SNRPA1: variants seen among roughly 807,000 people sequenced by gnomAD.
SNRPA1 encodes small nuclear ribonucleoprotein polypeptide A', also known as U2 small nuclear ribonucleoprotein A'.
A neutral mutation model predicts 32.3 loss-of-function variants in SNRPA1; 5 were observed. That is an observed-to-expected ratio of 0.15 (90% CI 0.08 to 0.33). The LOEUF (loss-of-function observed/expected upper bound fraction) is 0.33, where lower values mean the gene tolerates loss of function less well. Ranked by LOEUF, SNRPA1 falls within the 10% of genes least tolerant of loss-of-function variation. The pLI, the probability that SNRPA1 is intolerant of heterozygous loss-of-function variation, is 1.00. For synonymous variants in SNRPA1, 111 were observed against 120.1 expected, an observed-to-expected ratio of 0.92 and a Z score of 0.50; for missense variants, 198 against 311.1, an observed-to-expected ratio of 0.64 and a Z score of 2.74.
Position 101,287,684 on chromosome 15 carries a change from C to T in SNRPA1, c.328G>A (p.Ala110Thr). 1 of 1,613,816 alleles carries T rather than the reference C, an allele frequency of 6.2e-7. No homozygotes were observed. The highest frequency in any genetic ancestry group is 1.1e-5 in the South Asian group (1 of 91,072). The change falls in exon 4 of 9, where the codon GCA becomes ACA. Residue 110 changes from alanine to threonine, a missense_variant. Ala to Thr is a moderately conservative substitution (Grantham distance 58). Coordinates refer to ENST00000254193, the MANE Select transcript of SNRPA1 (RefSeq NM_003090.4). The part of the protein sequence containing the change: ...LVELGDLDPL[A>T]SLKSLTYLSI... Reference sequence around the variant, plus strand: ...AGGTAAGTCAGCGATTTGAGAGATGCCAGAGGGTCCAGATCACCCTGTCAA... The same window carrying T: ...AGGTAAGTCAGCGATTTGAGAGATGTCAGAGGGTCCAGATCACCCTGTCAA...
At chr15:101,291,226 T>C (rs1353458255) in intron 3 of SNRPA1, among the ~76,000 whole-genome samples, 1 of 152,176 alleles carries the variant, frequency 6.6e-6, no homozygotes, top group Non-Finnish European at 1.5e-5. Flanking sequence ...AGAATTTAGG[T>C]TACAAAACAA....
intron 7 of SNRPA1, 190 bp from the exon 8 acceptor site, chr15:101,285,250 T>A: frequency 1.8e-6 from 1 of 544,420 alleles, no homozygotes; most frequent in Non-Finnish European, 3.3e-6. Flanking sequence ...CACAAATTTC[T>A]AAAATTGGTG....
In SNRPA1 at chr15:101,281,693, A is replaced by T. The variant is rs778848347; in HGVS notation, c.*31T>A. On this transcript the variant is annotated 3_prime_UTR_variant, in exon 9 of 9. Transcript: ENST00000254193. ...TTCGAAAAGCAAGACTTGTTCCAAGAGGGCCTATTATTATACATCTGCCTC... is the reference window on the plus strand; with the variant it reads ...TTCGAAAAGCAAGACTTGTTCCAAGTGGGCCTATTATTATACATCTGCCTC... 8 of 1,522,032 alleles carry T rather than the reference A, an allele frequency of 5.3e-6. No individual in the cohort carries two copies. Among genetic ancestry groups the T allele is most frequent in the Non-Finnish European group, 7.3e-6 (8 of 1,095,936 alleles). 94.3% of individuals were successfully genotyped at this position (1,522,032 alleles called of 1,614,324 possible).
At chr15:101,289,471 G>A (rs1205788225) in intron 3 of SNRPA1, among the ~76,000 whole-genome samples, 1 of 152,142 alleles carries the variant, frequency 6.6e-6, no homozygotes. Context: ...GACAGAAGGA[G>A]AGCATCTACA....
At chr15:101,284,385 T>C (rs1234055949) in intron 8 of SNRPA1, among the ~76,000 whole-genome samples, 3 of 152,152 alleles carry the variant, frequency 2.0e-5, no homozygotes, top group African/African-American at 7.2e-5. Context: ...CAAATATATA[T>C]AGGTAAAAGT....
At chr15:101,286,802 T>C in intron 5 of SNRPA1, 106 bp downstream of exon 5, 1 of 631,466 alleles carries the variant, frequency 1.6e-6, no homozygotes, top group Non-Finnish European at 2.8e-6. Flanking sequence ...TATTACAAAC[T>C]AATGGTAAAA....
chr15:101,294,676 A>C (rs2039566937), intron 1 of SNRPA1, among the ~76,000 whole-genome samples: 1 of 152,232 alleles, frequency 6.6e-6, no homozygotes, highest in Non-Finnish European at 1.5e-5. Flanking sequence ...CATTAGGAAT[A>C]ATGAACACAT....
In SNRPA1 at chr15:101,284,630, G is replaced by A. The variant is rs534237992; in HGVS notation, c.709+337C>T. On this transcript the variant is annotated intron_variant, in intron 8 of 8. Coordinates refer to ENST00000254193, the MANE Select transcript of SNRPA1 (RefSeq NM_003090.4). Reference sequence around the variant, plus strand: ...CGATTCTCCTGCCTCAGCCTCCCGAGTAGCTGGGATTACAGGCGCGCACCA... The same window carrying A: ...CGATTCTCCTGCCTCAGCCTCCCGAATAGCTGGGATTACAGGCGCGCACCA... The A allele has an allele frequency of 6.5e-5, 12 of 184,242 alleles. No individual in the cohort carries two copies. The South Asian group carries it at 9.7e-4, about 15-fold the overall frequency. 11.4% of individuals were successfully genotyped at this position (184,242 alleles called of 1,614,324 possible). A position where few individuals can be genotyped will look rare whatever the true frequency, so the allele number is the denominator to read the frequency against.
intron 8 of SNRPA1, among the ~76,000 whole-genome samples, chr15:101,283,408 T>A (rs1398641859): frequency 2.0e-5 from 3 of 147,662 alleles, no homozygotes; most frequent in East Asian, 2.0e-4. Flanking sequence ...AAAAAAAAAA[T>A]ACAAAAAGTT....
chr15:101,294,214 C>T (rs1255878844), intron 1 of SNRPA1, among the ~76,000 whole-genome samples: 3 of 152,160 alleles, frequency 2.0e-5, no homozygotes, highest in Admixed American at 6.5e-5. Flanking sequence ...CCAGCTGGGG[C>T]GGAAAGAGCG....
At position 101,287,091 on chromosome 15, in the gene SNRPA1, C is replaced by G. The variant is rs1012972141; in HGVS notation, c.357-81G>C. 7 of 626,038 alleles carry G rather than the reference C, an allele frequency of 1.1e-5. No individual in the cohort carries two copies. The African/African-American group carries it at 1.3e-4, about 12-fold the overall frequency. 38.8% of individuals were successfully genotyped at this position (626,038 alleles called of 1,614,324 possible). On this transcript the variant is annotated intron_variant, in intron 4 of 8. Transcript: ENST00000254193. ...GGTCTGTTTGAATAGTCTAAGGAAC[C>G]TATAAATCAAGGGAACATTCACATT...
chr15:101,284,716 G>T, intron 8 of SNRPA1: 2 of 328,524 alleles, frequency 6.1e-6, no homozygotes, highest in Non-Finnish European at 1.2e-5. Flanking sequence ...TGGTCAGGCT[G>T]GTCTCGAACT....
intron 3 of SNRPA1, among the ~76,000 whole-genome samples, chr15:101,290,945 T>C (rs1016619323): frequency 2.6e-5 from 4 of 152,152 alleles, no homozygotes; most frequent in African/African-American, 9.7e-5. Flanking sequence ...TTTCACCATA[T>C]TGCCCAGGCT....
In SNRPA1 at chr15:101,295,083, GC is replaced by G; in HGVS notation, c.82+13del. 4.1e-6 allele frequency: 6 copies of G among 1,456,448 alleles called. No homozygotes were observed. The highest frequency in any genetic ancestry group is 2.9e-5 in the East Asian group (1 of 34,162). 90.2% of individuals were successfully genotyped at this position (1,456,448 alleles called of 1,614,324 possible). ...TGCCGCCTGGGGACTGGCCGCCCAC[GC>G]CCCCGGACTCACCCCGGAGGTCCAG... On this transcript the variant is annotated intron_variant, in intron 1 of 8. Coordinates refer to ENST00000254193, the MANE Select transcript of SNRPA1 (RefSeq NM_003090.4).
intron 6 of SNRPA1, 42 bp from the exon 7 acceptor site, chr15:101,285,843 A>G (rs1166225260): frequency 1.0e-5 from 15 of 1,483,200 alleles, no homozygotes; most frequent in Non-Finnish European, 1.4e-5. Flanking sequence ...CTAGACCAAC[A>G]GAAGTTGCTT....
Position 101,295,234 on chromosome 15 carries a change from G to T in SNRPA1, c.-56C>A. 1 of 1,432,394 alleles carries T rather than the reference G, an allele frequency of 7.0e-7. No homozygotes were observed. The allele number at this position is 1,432,394 out of a possible 1,614,324, so 88.7% of individuals were successfully genotyped here. ...AAAGCCCGTGGCCTCCCGCCAGCGA[G>T]ACGTCCCAGCGTGCCCCGCGCCCCG... On this transcript the variant is annotated 5_prime_UTR_variant, in exon 1 of 9. Coordinates refer to ENST00000254193, the MANE Select transcript of SNRPA1 (RefSeq NM_003090.4).
intron 6 of SNRPA1, 111 bp downstream of exon 6, chr15:101,286,103 C>A: frequency 2.3e-6 from 2 of 852,450 alleles, no homozygotes; most frequent in South Asian, 1.7e-5. Flanking sequence ...AATTTAATAC[C>A]ACATTAATAT....
intron 1 of SNRPA1, chr15:101,294,846 A>G (rs765324148): frequency 4.9e-6 from 2 of 405,446 alleles, no homozygotes; most frequent in African/African-American, 4.1e-5. Context: ...ACGAGGACGC[A>G]CCAGGAAGTA....
At chr15:101,291,312 G>A (rs1226694358) in intron 3 of SNRPA1, among the ~76,000 whole-genome samples, 1 of 152,202 alleles carries the variant, frequency 6.6e-6, no homozygotes, top group Non-Finnish European at 1.5e-5. Context: ...AGTTCCAAGT[G>A]GATTGTTCAT....
Sources: gnomAD v4.1 joint callset for allele counts (sites outside exome capture counted in the v4.1 genomes callset) on GRCh38, gnomAD v4.1.1 for gene constraint, MANE v1.5 for transcripts, NCBI Gene and HGNC (gene_info 2026-07-23, HGNC 2026-07-21) for gene names.